DLGAP1: variants seen among roughly 807,000 people sequenced by gnomAD.
DLGAP1 encodes the protein DLG associated protein 1.
A neutral mutation model predicts 90.8 loss-of-function variants in DLGAP1; 11 were observed. The observed-to-expected ratio is 0.12, with a 90% CI of 0.08 to 0.20. DLGAP1 has a LOEUF of 0.20. DLGAP1 is among the 10% of genes least tolerant of loss of function. DLGAP1 has a pLI of 1.00. For missense variants in DLGAP1, 1,050 were observed against 1,333.8 expected, an observed-to-expected ratio of 0.79 and a Z score of 3.31; for synonymous variants, 558 against 540.7, an observed-to-expected ratio of 1.03 and a Z score of -0.44.
chr18:4,197,195 AAAAAAAAAAAAAAG>A (rs1229870630), intron 1 of DLGAP1, among the ~76,000 whole-genome samples: 24 of 149,952 alleles, frequency 1.6e-4, no homozygotes, highest in Non-Finnish European at 2.7e-4. Flanking sequence ...AAGTAAAAAA[AAAAAAAAAAAAAAG>A]AAAAAAAAAG....
At chr18:3,878,543 C>A (rs1290513666) in intron 4 of DLGAP1, among the ~76,000 whole-genome samples, 1 of 152,204 alleles carries the variant, frequency 6.6e-6, no homozygotes, top group East Asian at 1.9e-4. Flanking sequence ...TAGCTCCCCA[C>A]CTCCTCAGGG....
intron 11 of DLGAP1, among the ~76,000 whole-genome samples, 162 bp downstream of exon 11, chr18:3,508,408 A>G (rs1336886922): frequency 2.6e-5 from 4 of 152,222 alleles, no homozygotes; most frequent in African/African-American, 9.6e-5. Flanking sequence ...TTTTAAGACA[A>G]TCAGGAAATA....
chr18:4,436,668 G>A (rs1009975073), intron 1 of DLGAP1, among the ~76,000 whole-genome samples: 3 of 152,122 alleles, frequency 2.0e-5, no homozygotes, highest in African/African-American at 2.4e-5. Context: ...ACATAGCTGA[G>A]GTTCAAATTA....
At chr18:4,048,652 G>C (rs1264859317) in intron 2 of DLGAP1, among the ~76,000 whole-genome samples, 5 of 152,168 alleles carry the variant, frequency 3.3e-5, no homozygotes, top group Admixed American at 1.3e-4. Flanking sequence ...GCCTGCACTA[G>C]ATCAATCTTT....
chr18:4,427,989 T>C (rs1567913805), intron 1 of DLGAP1, among the ~76,000 whole-genome samples: 1 of 152,182 alleles, frequency 6.6e-6, no homozygotes, highest in Non-Finnish European at 1.5e-5. Flanking sequence ...TCAAAGAAGG[T>C]ATGTATTAAA....
At chr18:3,551,950 T>C (rs2144831889) in intron 9 of DLGAP1, among the ~76,000 whole-genome samples, 1 of 146,872 alleles carries the variant, frequency 6.8e-6, no homozygotes, top group Non-Finnish European at 1.5e-5. Flanking sequence ...GGCTAATTTA[T>C]TTTTAAATTG....
chr18:4,136,947 C>T (rs148197810), intron 2 of DLGAP1, among the ~76,000 whole-genome samples: 9 of 152,064 alleles, frequency 5.9e-5, no homozygotes, highest in Admixed American at 2.0e-4. Context: ...ATGTGCACAA[C>T]GTGCAGGTTA....
chr18:3,825,965 G>A (rs1269550725), intron 4 of DLGAP1, among the ~76,000 whole-genome samples: 6 of 152,156 alleles, frequency 3.9e-5, no homozygotes, highest in African/African-American at 1.4e-4. Flanking sequence ...ACAAAATCAT[G>A]TCCTTTGCAG....
intron 1 of DLGAP1, among the ~76,000 whole-genome samples, chr18:4,205,312 C>A (rs1170035864): frequency 6.6e-6 from 1 of 151,980 alleles, no homozygotes; most frequent in East Asian, 1.9e-4. Flanking sequence ...GAAGGGGTGC[C>A]ATGGTGGTGT....
intron 4 of DLGAP1, among the ~76,000 whole-genome samples, chr18:3,837,474 T>C (rs2068454885): frequency 6.6e-6 from 1 of 152,190 alleles, no homozygotes; most frequent in Non-Finnish European, 1.5e-5. Context: ...AAACAAAACT[T>C]GAAACAATAC....
At position 3,499,479 on chromosome 18, in the gene DLGAP1, C is replaced by T; in HGVS notation, c.2725-85G>A. ...CTGGGATAGGTCAGTAGTTAGAACACACAGTTTTTTACCTAGGGGTGGTTA... is the reference window on the plus strand; with the variant it reads ...CTGGGATAGGTCAGTAGTTAGAACATACAGTTTTTTACCTAGGGGTGGTTA... On this transcript the variant is annotated intron_variant, in intron 12 of 12. Coordinates refer to ENST00000315677, the MANE Select transcript of DLGAP1 (RefSeq NM_004746.4). The surrounding 1 kb of genome is among the most constrained non-coding windows in gnomAD (Gnocchi z 6.4). The T allele has an allele frequency of 7.0e-7, 1 of 1,421,870 alleles. No homozygotes were observed. Among genetic ancestry groups the T allele is most frequent in the Non-Finnish European group, 9.5e-7 (1 of 1,047,840 alleles). The allele number at this position is 1,421,870 out of a possible 1,614,324, so 88.1% of individuals were successfully genotyped here. A position where few individuals can be genotyped will look rare whatever the true frequency, so the allele number is the denominator to read the frequency against.
At chr18:3,534,128 AG>A (rs1415679500) in intron 10 of DLGAP1, 65 bp downstream of exon 10, 1 of 1,510,662 alleles carries the variant, frequency 6.6e-7, no homozygotes, top group African/African-American at 1.4e-5. Context: ...GAAAACAACA[AG>A]GTCTGCACAC....
chr18:3,985,691 A>T (rs1299170711), intron 3 of DLGAP1, among the ~76,000 whole-genome samples: 2 of 152,166 alleles, frequency 1.3e-5, no homozygotes, highest in Non-Finnish European at 2.9e-5. Context: ...ATGTAGAAAC[A>T]TCTGCTTTGG....
At chr18:3,965,809 G>C (rs924540386) in intron 3 of DLGAP1, among the ~76,000 whole-genome samples, 3 of 151,684 alleles carry the variant, frequency 2.0e-5, no homozygotes, top group African/African-American at 7.3e-5. Flanking sequence ...TTATCCAGGC[G>C]TGATGGCATG....
At chr18:3,972,395 A>G (rs1223817849) in intron 3 of DLGAP1, among the ~76,000 whole-genome samples, 1 of 152,062 alleles carries the variant, frequency 6.6e-6, no homozygotes, top group Non-Finnish European at 1.5e-5. Context: ...CAGTTTATAT[A>G]TAACTCTCCC....
At chr18:4,004,686 C>T (rs933883986) in intron 3 of DLGAP1, among the ~76,000 whole-genome samples, 1 of 152,274 alleles carries the variant, frequency 6.6e-6, no homozygotes, top group African/African-American at 2.4e-5. Flanking sequence ...TTTCAGCCTT[C>T]ATCCAAATAA....
intron 2 of DLGAP1, among the ~76,000 whole-genome samples, chr18:4,103,539 T>C (rs1026668048): frequency 6.6e-6 from 1 of 152,182 alleles, no homozygotes; most frequent in African/African-American, 2.4e-5. Context: ...TAGTCCTACA[T>C]AGATAATAAT....
chr18:4,020,009 T>C (rs992259209), intron 2 of DLGAP1, among the ~76,000 whole-genome samples: 2 of 152,262 alleles, frequency 1.3e-5, no homozygotes, highest in African/African-American at 4.8e-5. Flanking sequence ...TTTATGTAGA[T>C]TTAAACATAT....
At chr18:3,617,591 C>CAA (rs66810699) in intron 7 of DLGAP1, among the ~76,000 whole-genome samples, 38,951 of 131,850 alleles carry the variant, frequency 0.3, 6,882 homozygotes, top group East Asian at 0.6. Flanking sequence ...AACTCCATCT[C>CAA]AAAAAAAAAA....
Sources: gnomAD v4.1 joint callset for allele counts (sites outside exome capture counted in the v4.1 genomes callset) on GRCh38, gnomAD v4.1.1 for gene constraint, Gnocchi (gnomAD v3.1) non-coding constraint, MANE v1.5 for transcripts, NCBI Gene and HGNC (gene_info 2026-07-23, HGNC 2026-07-21) for gene names.